The following JPH1 variants were observed in gnomAD, a reference collection of about 807,000 sequenced individuals.
The protein encoded by JPH1 is junctophilin-1.
A neutral mutation model predicts 53.6 loss-of-function variants in JPH1; 12 were observed. The observed-to-expected ratio is 0.22, with a 90% CI of 0.14 to 0.36. The LOEUF is 0.36. Among genes scored for constraint, JPH1 ranks in the 10% least tolerant of loss-of-function variants. The pLI is 1.00. For missense variants in JPH1, 808 were observed against 905.5 expected (o/e 0.89, Z 1.38); for synonymous variants, 375 against 363.8 (o/e 1.03, Z -0.35).
At chr8:74,268,805 T>G (rs1300741974) in intron 2 of JPH1, among the ~76,000 whole-genome samples, 1 of 152,196 alleles carries the variant, frequency 6.6e-6, no homozygotes, top group Non-Finnish European at 1.5e-5. Context: ...AATTCAAGAC[T>G]GTATAATGGG....
rs1218701559 is a variant in JPH1, at chr8:74,320,728, G to A, written c.379+181C>T. The stretch of plus-strand genomic sequence containing the variant: ...GGTCAGATCCAGCCCTCGCGCCCCA[G>A]TCCGGTCCCAGCGCCCTCTCTGGGA... On this transcript the variant is annotated intron_variant, in intron 1 of 5. Coordinates refer to ENST00000342232, the MANE Select transcript of JPH1 (RefSeq NM_020647.4). This position sits in a 1 kb window ranked among gnomAD's most constrained non-coding sequence, Gnocchi z 4.4. 4.6e-5 allele frequency among the ~76,000 whole-genome samples: 7 copies of A among 152,144 alleles called. No homozygotes were observed. Among genetic ancestry groups the A allele is most frequent in the Non-Finnish European group, 1.0e-4 (7 of 68,018 alleles).
chr8:74,290,468 A>G (rs1807291556), intron 2 of JPH1, among the ~76,000 whole-genome samples: 1 of 152,200 alleles, frequency 6.6e-6, no homozygotes, highest in African/African-American at 2.4e-5. Flanking sequence ...CCACTGCTCA[A>G]CAAAATAAAA....
chr8:74,277,013 TTAAAGA>T (rs1159692122), intron 2 of JPH1, among the ~76,000 whole-genome samples: 2 of 152,244 alleles, frequency 1.3e-5, no homozygotes, highest in Admixed American at 6.5e-5. Flanking sequence ...ATTATTTTAC[TTAAAGA>T]TAAAAAACTT....
rs1226913519 is a variant in JPH1 at position 74,244,902 on chromosome 8, T to C, written c.1532A>G (p.Asn511Ser). The C allele has an allele frequency of 1.2e-6, 2 of 1,614,170 alleles. No individual in the cohort carries two copies. The highest frequency in any genetic ancestry group is 2.2e-5 in the South Asian group (2 of 91,076). Residue 511 changes from asparagine to serine, a missense_variant, in exon 4 of 6, where the codon AAT becomes AGT. Asn to Ser is a conservative substitution (Grantham distance 46). This residue lies in a region of JPH1 where 756 missense variants were observed against 811.9 expected (regional missense o/e 0.93). Transcript: ENST00000342232. ...VADEQVTAIV[N>S]KPLMSKAPTK... Reference sequence around the variant, plus strand: ...GGGAGCCTTTGACATCAAGGGCTTATTGACAATGGCCGTCACCTGCTCATC... The same window carrying C: ...GGGAGCCTTTGACATCAAGGGCTTACTGACAATGGCCGTCACCTGCTCATC...
chr8:74,305,728 C>T (rs1029319632), intron 2 of JPH1, among the ~76,000 whole-genome samples: 1 of 152,178 alleles, frequency 6.6e-6, no homozygotes, highest in East Asian at 1.9e-4. Flanking sequence ...TCTCATATCC[C>T]ATTCATACCC....
chr8:74,316,541 T>A (rs904931055), intron 1 of JPH1, among the ~76,000 whole-genome samples: 2 of 152,230 alleles, frequency 1.3e-5, no homozygotes, highest in African/African-American at 4.8e-5. Flanking sequence ...GGTAAAAAGC[T>A]ATGGTGGCTA....
chr8:74,298,496 T>A (rs1436601923), intron 2 of JPH1, among the ~76,000 whole-genome samples: 2 of 152,222 alleles, frequency 1.3e-5, no homozygotes, highest in African/African-American at 2.4e-5. Context: ...CTCCTGTTAA[T>A]AACTTCCTCG....
chr8:74,314,846 C>CCTG lies in JPH1; in HGVS notation c.1139+12_1139+14dup. Reference sequence around the variant, plus strand: ...TGACCAACCCAGCAAAACCAACCACCCTGCATTTACTTACCTTGAATTTGC... The same window carrying CCTG: ...TGACCAACCCAGCAAAACCAACCACCCTGCTGCATTTACTTACCTTGAATTTGC... On this transcript the variant is annotated intron_variant, in intron 2 of 5. Coordinates refer to ENST00000342232, the MANE Select transcript of JPH1 (RefSeq NM_020647.4). 1 of 1,613,596 alleles carries CCTG rather than the reference C, an allele frequency of 6.2e-7. No individual in the cohort carries two copies. The highest frequency in any genetic ancestry group is 8.5e-7 in the Non-Finnish European group (1 of 1,179,940).
chr8:74,270,851 C>T (rs1256868581), intron 2 of JPH1, among the ~76,000 whole-genome samples: 1 of 152,106 alleles, frequency 6.6e-6, no homozygotes, highest in Admixed American at 6.5e-5. Context: ...CCTCTAGACA[C>T]ACTTTGATGA....
At chr8:74,309,206 C>T (rs1286632499) in intron 2 of JPH1, among the ~76,000 whole-genome samples, 9 of 152,270 alleles carry the variant, frequency 5.9e-5, no homozygotes, top group South Asian at 2.1e-4. Context: ...CCTGGTAGTA[C>T]GGGGAGCCTG....
intron 3 of JPH1, among the ~76,000 whole-genome samples, chr8:74,250,517 C>G (rs368689956): frequency 1.3e-5 from 2 of 152,232 alleles, no homozygotes; most frequent in Non-Finnish European, 1.5e-5. Flanking sequence ...GGCCCCGGTC[C>G]CCCCTGCTTC....
chr8:74,313,553 A>T (rs890073883), intron 2 of JPH1, among the ~76,000 whole-genome samples: 2 of 137,982 alleles, frequency 1.4e-5, no homozygotes, highest in Non-Finnish European at 3.2e-5. Flanking sequence ...AAGTAGAGGA[A>T]TTAAAAAAAA....
intron 2 of JPH1, among the ~76,000 whole-genome samples, chr8:74,271,654 T>G (rs762711430): frequency 6.6e-6 from 1 of 152,124 alleles, no homozygotes; most frequent in Non-Finnish European, 1.5e-5. Flanking sequence ...GTATTTAAAA[T>G]TTTGGACCTA....
At chr8:74,301,481 G>T (rs1048956738) in intron 2 of JPH1, among the ~76,000 whole-genome samples, 1 of 152,224 alleles carries the variant, frequency 6.6e-6, no homozygotes, top group East Asian at 1.9e-4. Flanking sequence ...TGGAGGACTA[G>T]AGAATTTTAA....
chr8:74,261,797 T>C (rs10093147), intron 2 of JPH1, among the ~76,000 whole-genome samples: 3,120 of 152,332 alleles, frequency 0.02, 100 homozygotes, highest in African/African-American at 0.065. Context: ...ATAGCTATGC[T>C]GCTTTATAAT....
At chr8:74,255,930 T>G (rs1309900005) in intron 3 of JPH1, among the ~76,000 whole-genome samples, 2 of 152,178 alleles carry the variant, frequency 1.3e-5, no homozygotes, top group Non-Finnish European at 2.9e-5. Flanking sequence ...AGGAATACTT[T>G]TACACTGTTG....
chr8:74,291,785 A>G (rs1340572621), intron 2 of JPH1, among the ~76,000 whole-genome samples: 1 of 152,216 alleles, frequency 6.6e-6, no homozygotes, highest in Non-Finnish European at 1.5e-5. Flanking sequence ...CCAAATGTCC[A>G]TCAATGATAG....
At chr8:74,310,834 A>G (rs56387686) in intron 2 of JPH1, among the ~76,000 whole-genome samples, 9,491 of 152,274 alleles carry the variant, frequency 0.062, 1,004 homozygotes, top group African/African-American at 0.22. Flanking sequence ...TCCATTTCCC[A>G]GGGACTTAAA....
At chr8:74,248,006 A>G (rs1805910853) in intron 3 of JPH1, among the ~76,000 whole-genome samples, 1 of 152,184 alleles carries the variant, frequency 6.6e-6, no homozygotes, top group Admixed American at 6.5e-5. Context: ...ATGAAGCTAA[A>G]TTTTGGATTC....
Sources: allele counts gnomAD v4.1 joint callset (sites outside exome capture counted in the v4.1 genomes callset), GRCh38; gene constraint gnomAD v4.1.1; regional missense constraint gnomAD v4.1.1; non-coding constraint Gnocchi (gnomAD v3.1); transcripts MANE v1.5; gene names NCBI Gene and HGNC (gene_info 2026-07-23, HGNC 2026-07-21).